Variants in HDAC6 observed in about 807,000 individuals in gnomAD.
The protein encoded by HDAC6 is protein deacetylase HDAC6.
In HDAC6, 5 loss-of-function variants were observed where a neutral mutation model predicts 88.9. The ratio of observed to expected loss-of-function variants is 0.06; its 90% CI spans 0.03 to 0.12. The LOEUF is 0.12. Among genes scored for constraint, HDAC6 ranks in the 10% least tolerant of loss-of-function variants. The probability of loss-of-function intolerance (pLI) is 1.00; values close to 1 mark genes in which losing one functional copy is unlikely to be tolerated. For synonymous variants in HDAC6, 378 were observed against 398.0 expected, an observed-to-expected ratio of 0.95 and a Z score of 0.60; for missense variants, 706 against 1,014.4, an observed-to-expected ratio of 0.70 and a Z score of 4.13.
chrX:48,815,034 C>T lies in HDAC6; in HGVS notation c.1132C>T (p.Leu378=), dbSNP rs2062961089. 2.5e-6 allele frequency: 3 copies of T among 1,197,504 alleles called. No homozygotes were observed. The highest frequency in any genetic ancestry group is 3.4e-6 in the Non-Finnish European group (3 of 887,043). Residue 378 remains leucine, a synonymous_variant, in exon 14 of 29, where the codon CTG becomes TTG. Coordinates refer to ENST00000334136, the MANE Select transcript of HDAC6 (RefSeq NM_006044.4). ...GCTCATGGGTCTGGCAGGAGGCAAG[C>T]TGATCCTGTCTCTGGAGGTGAGTGA... ...HLLMGLAGGK[L]ILSLEGGYNL...
At position 48,817,848 on chromosome X, in the gene HDAC6, G is replaced by A. The variant is rs2063013902; in HGVS notation, c.1926-193G>A. Reference sequence around the variant, plus strand: ...CTAGCAATGACCCAGAAGAGCCCAGGGCCCAGCCCCGAGCACTTGCTCAGG... The same window carrying A: ...CTAGCAATGACCCAGAAGAGCCCAGAGCCCAGCCCCGAGCACTTGCTCAGG... On this transcript the variant is annotated intron_variant, in intron 20 of 28. Coordinates refer to ENST00000334136, the MANE Select transcript of HDAC6 (RefSeq NM_006044.4). The A allele has an allele frequency of 1.1e-5, 5 of 450,176 alleles. No individual in the cohort carries two copies. The South Asian group carries it at 1.3e-4, about 12-fold the overall frequency. The allele number at this position is 450,176 out of a possible 1,213,427, so 37.1% of individuals were successfully genotyped here.
chrX:48,819,775 C>T (rs952796529), intron 22 of HDAC6: 4 of 317,968 alleles, frequency 1.3e-5, no homozygotes, highest in Admixed American at 8.5e-5. Context: ...AATCTGACCT[C>T]ATGATCTGCC....
upstream of HDAC6, chrX:48,801,637 C>T (rs1034590228): frequency 2.0e-5 from 5 of 250,610 alleles, no homozygotes; most frequent in Non-Finnish European, 2.2e-5. Context: ...AGGCGCAGCA[C>T]AGCTGGCGTA....
chrX:48,814,596 G>A (rs1557026788), intron 11 of HDAC6, 30 bp downstream of exon 11: 2 of 1,207,771 alleles, frequency 1.7e-6, no homozygotes, highest in Admixed American at 2.2e-5. Context: ...TGCCCCCAAA[G>A]TGAGGCCCAG....
chrX:48,822,553 C>T, intron 23 of HDAC6, 67 bp from the exon 24 acceptor site: 1 of 902,744 alleles, frequency 1.1e-6, no homozygotes, highest in African/African-American at 2.0e-5. Flanking sequence ...GGAGGCAGGA[C>T]ATGTTGTCCT....
Position 48,814,716 on chromosome X carries a change from C to G in HDAC6, c.975C>G (p.His325Gln). The G allele has an allele frequency of 8.3e-7, 1 of 1,211,012 alleles. No individual in the cohort carries two copies. Among genetic ancestry groups the G allele is most frequent in the Non-Finnish European group, 1.1e-6 (1 of 895,102 alleles). The change falls in exon 12 of 29, where the codon CAC becomes CAG. Residue 325 changes from histidine (H) to glutamine (Q), a missense_variant. His to Gln is a conservative substitution (Grantham distance 24, BLOSUM62 0). Transcript: ENST00000334136. ...RDADYIAAFL[H>Q]VLLPVALEFQ... ...CTGACTACATTGCTGCTTTCCTGCA[C>G]GTCCTGCTGCCAGTCGCCCTCGAGG...
At chrX:48,824,321 C>T (rs1452665795) in intron 28 of HDAC6, 27 bp downstream of exon 28, 19 of 1,195,993 alleles carry the variant, frequency 1.6e-5, no homozygotes, top group Middle Eastern at 2.7e-4. Flanking sequence ...CCCTTCGACA[C>T]GTGCACACTC....
Position 48,824,156 on chromosome X carries a change from C to T in HDAC6, c.3451-10C>T, listed in dbSNP as rs1557031524. ...TGACCCCCACCTGACACTCACACCC[C>T]CAACCTCAGGTCTACTGTGGTCGTT... On this transcript the variant is annotated splice_polypyrimidine_tract_variant and intron_variant, in intron 27 of 28. Transcript: ENST00000334136. The T allele has an allele frequency of 8.3e-7, 1 of 1,208,545 alleles. No homozygotes were observed. The highest frequency in any genetic ancestry group is 2.2e-5 in the Admixed American group (1 of 45,908).
At chrX:48,806,320 G>T in intron 6 of HDAC6, 48 bp from the exon 7 acceptor site, 1 of 854,447 alleles carries the variant, frequency 1.2e-6, no homozygotes. Flanking sequence ...GGACAGCTCA[G>T]TTGGGGAAGA....
intron 7 of HDAC6, 29 bp downstream of exon 7, chrX:48,806,493 A>G: frequency 9.1e-7 from 1 of 1,097,712 alleles, no homozygotes; most frequent in Non-Finnish European, 1.3e-6. Flanking sequence ...CGGGCAGGGA[A>G]TGGTGGCAAT....
intron 23 of HDAC6, among the ~76,000 whole-genome samples, chrX:48,820,968 G>T (rs781941748): frequency 9.0e-6 from 1 of 110,579 alleles, no homozygotes; most frequent in Non-Finnish European, 1.9e-5. Context: ...CTCCTGAGTC[G>T]CTGGGATTAC....
intron 10 of HDAC6, 36 bp downstream of exon 10, chrX:48,808,362 A>G: frequency 9.4e-7 from 1 of 1,062,271 alleles, no homozygotes; most frequent in South Asian, 2.0e-5. Flanking sequence ...CTAGACTCCC[A>G]GCCACCTCCC....
At chrX:48,816,953 C>CAA (rs782535708) in intron 19 of HDAC6, 44 of 215,946 alleles carry the variant, frequency 2.0e-4, no homozygotes, top group East Asian at 4.1e-4. Context: ...GACCCTGTGT[C>CAA]AAAAAAAAAA....
At position 48,824,178 on chromosome X, in the gene HDAC6, C is replaced by A; in HGVS notation, c.3463C>A (p.Arg1155Ser). 8.3e-7 allele frequency: 1 copy of A among 1,210,225 alleles called. No homozygotes were observed. Among genetic ancestry groups the A allele is most frequent in the Non-Finnish European group, 1.1e-6 (1 of 894,761 alleles). The part of the protein sequence containing the change: ...CLSCYQVYCG[R>S]YINGHMLQHH... ...CCCCCAACCTCAGGTCTACTGTGGT[C>A]GTTACATCAATGGCCACATGCTCCA... The change falls in exon 28 of 29, where the codon CGT becomes AGT. Residue 1155 changes from arginine to serine, a missense_variant. Arg to Ser is a moderately radical substitution (Grantham distance 110). Coordinates refer to ENST00000334136, the MANE Select transcript of HDAC6 (RefSeq NM_006044.4).
In HDAC6 at chrX:48,823,972, A is replaced by G. The variant is rs781932506; in HGVS notation, c.3354A>G (p.Ala1118=). 1 of 1,211,702 alleles carries G rather than the reference A, an allele frequency of 8.3e-7. No individual in the cohort carries two copies. The highest frequency in any genetic ancestry group is 1.8e-5 in the South Asian group (1 of 57,024). ...TPLPWCPHLV[A]VCPIPAAGLD... ...TGCCCTGGTGTCCCCATTTGGTGGC[A>G]GTATGCCCCATACCTGCAGCAGGCC... The change falls in exon 27 of 29, where the codon GCA becomes GCG. Residue 1118 remains alanine, a synonymous_variant. Transcript: ENST00000334136.
rs782396821 is a variant in HDAC6 at position 48,815,540 on chromosome X, A to G, written c.1257-35A>G. ...AGCGGGAGCCTCACTGCCCGCCCACATTCCTTGACATCATATTTTCTCCCT... is the reference window on the plus strand; with the variant it reads ...AGCGGGAGCCTCACTGCCCGCCCACGTTCCTTGACATCATATTTTCTCCCT... On this transcript the variant is annotated intron_variant, in intron 15 of 28. Transcript: ENST00000334136. 5.8e-6 allele frequency: 7 copies of G among 1,204,120 alleles called. No individual in the cohort carries two copies. In the Admixed American group the frequency reaches 1.1e-4, roughly 19 times the overall value.
chrX:48,817,935 G>A, intron 20 of HDAC6, 106 bp from the exon 21 acceptor site: 1 of 712,591 alleles, frequency 1.4e-6, no homozygotes, highest in Middle Eastern at 4.6e-4. Flanking sequence ...AGGACCCAGG[G>A]TCCTGCCACT....
chrX:48,807,957 A>AC, intron 8 of HDAC6, 76 bp from the exon 9 acceptor site: 2 of 675,251 alleles, frequency 3.0e-6, no homozygotes, highest in South Asian at 5.1e-5. Context: ...CCAGGATTAG[A>AC]GAGCAGGGGA....
chrX:48,812,274 TG>T (rs2062914718), intron 10 of HDAC6, among the ~76,000 whole-genome samples: 1 of 112,694 alleles, frequency 8.9e-6, no homozygotes, highest in Non-Finnish European at 1.9e-5. Context: ...AAAAAGAACA[TG>T]TCCATGCCCT....
Sources: gnomAD v4.1 joint callset for allele counts (sites outside exome capture counted in the v4.1 genomes callset) on GRCh38, gnomAD v4.1.1 for gene constraint, MANE v1.5 for transcripts, NCBI Gene and HGNC (gene_info 2026-07-23, HGNC 2026-07-21) for gene names.